The following AHDC1 variants were observed in gnomAD, a reference collection of about 807,000 sequenced individuals.
AHDC1 encodes the protein AT-hook DNA binding motif containing 1, also known as transcription factor Gibbin.
A neutral mutation model predicts 87.9 loss-of-function variants in AHDC1; 7 were observed. The ratio of observed to expected loss-of-function variants is 0.08; its 90% CI spans 0.05 to 0.15. The LOEUF (loss-of-function observed/expected upper bound fraction) is 0.15, where lower values mean the gene tolerates loss of function less well. AHDC1 is among the 10% of genes least tolerant of loss of function. AHDC1 has a pLI of 1.00. For missense variants in AHDC1, 1,841 were observed against 2,253.2 expected (o/e 0.82, Z 3.70); for synonymous variants, 1,051 against 1,006.8 (o/e 1.04, Z -0.83).
rs1216844967 is a variant in AHDC1 at position 27,590,676 on chromosome 1, G to A, written c.-629+12721C>T. On this transcript the variant is annotated intron_variant, in intron 3 of 8. Transcript: ENST00000673934. This position sits in a 1 kb window ranked among gnomAD's most constrained non-coding sequence, Gnocchi z 5.4. The stretch of plus-strand genomic sequence containing the variant: ...CTGGCTGGGCTGAGAGGCATCAGGA[G>A]AGGATTTAAGGTCCAAAGTTGGGGA... Among the ~76,000 whole-genome samples, 2 of 152,180 alleles carry A rather than the reference G, an allele frequency of 1.3e-5. No individual in the cohort carries two copies. Among genetic ancestry groups the A allele is most frequent in the East Asian group, 1.9e-4 (1 of 5,196 alleles).
At chr1:27,536,788 C>T (rs760795522) in intron 8 of AHDC1, among the ~76,000 whole-genome samples, 1 of 152,076 alleles carries the variant, frequency 6.6e-6, no homozygotes, top group Non-Finnish European at 1.5e-5. Flanking sequence ...TATTGTCCAA[C>T]GCCAGCCTCC....
At chr1:27,541,003 A>T (rs2018882883) in intron 8 of AHDC1, among the ~76,000 whole-genome samples, 1 of 28,568 alleles carries the variant, frequency 3.5e-5, no homozygotes, top group African/African-American at 2.6e-4. Flanking sequence ...AAAAATGCTA[A>T]AAAAAAAAAA....
At chr1:27,581,375 T>A (rs74488525) in intron 3 of AHDC1, among the ~76,000 whole-genome samples, 4,355 of 150,990 alleles carry the variant, frequency 0.029, 180 homozygotes, top group African/African-American at 0.1. Context: ...AGAAAGCCCC[T>A]AGGTCTCATC....
intron 3 of AHDC1, among the ~76,000 whole-genome samples, chr1:27,587,891 A>C (rs1375666666): frequency 6.6e-6 from 1 of 152,076 alleles, no homozygotes; most frequent in African/African-American, 2.4e-5. Flanking sequence ...CTGATCCTTA[A>C]CCCTAATTGA....
chr1:27,564,779 A>C (rs2020246019), intron 3 of AHDC1, among the ~76,000 whole-genome samples: 1 of 152,180 alleles, frequency 6.6e-6, no homozygotes, highest in African/African-American at 2.4e-5. Flanking sequence ...CTTGGCCCAA[A>C]GCTTGGACAA....
In AHDC1 at chr1:27,562,675, G is replaced by A. The variant is rs537490434; in HGVS notation, c.-628-3792C>T. The stretch of plus-strand genomic sequence containing the variant: ...GCTCCCACTTGTCCCTCTGCTCAGG[G>A]CCCTAAGCATTTCCTCTGGCCAGCC... On this transcript the variant is annotated intron_variant, in intron 3 of 8. Transcript: ENST00000673934. This position sits in a 1 kb window ranked among gnomAD's most constrained non-coding sequence, Gnocchi z 4.4. 6.6e-6 allele frequency among the ~76,000 whole-genome samples: 1 copy of A among 152,306 alleles called. No homozygotes were observed. Among genetic ancestry groups the A allele is most frequent in the Non-Finnish European group, 1.5e-5 (1 of 68,020 alleles).
At chr1:27,583,252 C>T (rs1193941998) in intron 3 of AHDC1, among the ~76,000 whole-genome samples, 2 of 152,228 alleles carry the variant, frequency 1.3e-5, no homozygotes, top group Non-Finnish European at 2.9e-5. Context: ...TCCCAATCCT[C>T]ATCCTGATCT....
intron 8 of AHDC1, among the ~76,000 whole-genome samples, chr1:27,542,122 C>T (rs868397612): frequency 6.6e-6 from 1 of 152,216 alleles, no homozygotes; most frequent in Non-Finnish European, 1.5e-5. Flanking sequence ...ACTATGGCAG[C>T]AAAGGTTATG....
In AHDC1 at chr1:27,549,482, G is replaced by A. The variant is rs60039430; in HGVS notation, c.2634C>T (p.Ala878=). 2.0e-3 allele frequency: 3,205 copies of A among 1,613,162 alleles called. 47 individuals are homozygous for A. The African/African-American group carries it at 0.036, about 18-fold the overall frequency. The change falls in exon 8 of 9, where the codon GCC becomes GCT. Residue 878 remains alanine, a synonymous_variant. Coordinates refer to ENST00000673934, the MANE Select transcript of AHDC1 (RefSeq NM_001371928.1). ...TGGCCAGGCCCCGCTGGGCAGGCAG[G>A]GCACTGGTGGGTGGCCCTGCATAGG... ...SGTYAGPPTS[A]LPAQRGLATF...
intron 3 of AHDC1, among the ~76,000 whole-genome samples, chr1:27,567,782 C>A (rs1316690092): frequency 6.6e-6 from 1 of 152,232 alleles, no homozygotes; most frequent in African/African-American, 2.4e-5. Context: ...GCCCTCCCAG[C>A]TCCCCCAACA....
chr1:27,600,569 G>A (rs1251263995), intron 3 of AHDC1, among the ~76,000 whole-genome samples: 1 of 152,142 alleles, frequency 6.6e-6, no homozygotes, highest in Non-Finnish European at 1.5e-5. Context: ...CCTGTCCAAT[G>A]GGGAACAGAA....
intron 5 of AHDC1, among the ~76,000 whole-genome samples, chr1:27,556,764 A>G (rs2019833988): frequency 6.6e-6 from 1 of 152,068 alleles, no homozygotes; most frequent in Non-Finnish European, 1.5e-5. Flanking sequence ...GTGTCCAGAG[A>G]TTCAGCGCCC....
At chr1:27,559,320 T>C (rs1354005948) in intron 3 of AHDC1, among the ~76,000 whole-genome samples, 1 of 152,104 alleles carries the variant, frequency 6.6e-6, no homozygotes, top group Non-Finnish European at 1.5e-5. Context: ...CCTCCCAAAG[T>C]GCTGGGATTG....
intron 3 of AHDC1, among the ~76,000 whole-genome samples, chr1:27,571,864 TG>T (rs1248295608): frequency 6.6e-6 from 1 of 152,078 alleles, no homozygotes; most frequent in African/African-American, 2.4e-5. Flanking sequence ...CCGCCTGTTC[TG>T]GGGGGACTGT....
chr1:27,544,835 C>G (rs918701107), intron 8 of AHDC1, among the ~76,000 whole-genome samples: 23 of 152,216 alleles, frequency 1.5e-4, no homozygotes, highest in African/African-American at 5.5e-4. Flanking sequence ...AACACTAGCC[C>G]TGCTCCACGG....
intron 5 of AHDC1, chr1:27,553,437 C>T (rs2019667150): frequency 6.6e-6 from 1 of 152,166 alleles, no homozygotes; most frequent in African/African-American, 2.4e-5. Context: ...CTGATCAGAT[C>T]ATTATAAATG....
chr1:27,560,144 G>C lies in AHDC1; in HGVS notation c.-628-1261C>G, dbSNP rs957199368. Among the ~76,000 whole-genome samples, 1 of 152,030 alleles carries C rather than the reference G, an allele frequency of 6.6e-6. No homozygotes were observed. The highest frequency in any genetic ancestry group is 1.5e-5 in the Non-Finnish European group (1 of 68,016). ...CAGCTTAAGTGTGTGCCTGGATTTG[G>C]TGTCTTCAGTCATACATGTGGGTAT... On this transcript the variant is annotated intron_variant, in intron 3 of 8. Transcript: ENST00000673934. The surrounding 1 kb of genome is among the most constrained non-coding windows in gnomAD (Gnocchi z 4.1).
chr1:27,571,901 G>A (rs756875171), intron 3 of AHDC1, among the ~76,000 whole-genome samples: 15 of 152,166 alleles, frequency 9.9e-5, no homozygotes, highest in Non-Finnish European at 2.1e-4. Flanking sequence ...ACCAGCAGCC[G>A]CGTGAATGGA....
chr1:27,583,909 C>T (rs977871626), intron 3 of AHDC1, among the ~76,000 whole-genome samples: 1 of 152,180 alleles, frequency 6.6e-6, no homozygotes, highest in African/African-American at 2.4e-5. Flanking sequence ...GCTTCAGCCT[C>T]CTCTCTGCCT....
Sources: gnomAD v4.1 joint callset for allele counts (sites outside exome capture counted in the v4.1 genomes callset) on GRCh38, gnomAD v4.1.1 for gene constraint, Gnocchi (gnomAD v3.1) non-coding constraint, MANE v1.5 for transcripts, NCBI Gene and HGNC (gene_info 2026-07-23, HGNC 2026-07-21) for gene names.